The following CHAF1A variants were observed in gnomAD, a reference collection of about 807,000 sequenced individuals.
CHAF1A encodes the protein chromatin assembly factor 1 subunit A, also known as CAF-1 subunit A.
Under a neutral mutation model 93.2 loss-of-function variants are expected in CHAF1A, and 5 were observed. The observed-to-expected ratio is 0.05, with a 90% CI of 0.03 to 0.11. The LOEUF (loss-of-function observed/expected upper bound fraction) is 0.11. Ranked by LOEUF, CHAF1A falls within the 10% of genes least tolerant of loss-of-function variation. The probability of loss-of-function intolerance (pLI) is 1.00; values close to 1 mark genes in which losing one functional copy is unlikely to be tolerated. For synonymous variants in CHAF1A, 504 were observed against 510.3 expected, an observed-to-expected ratio of 0.99 and a Z score of 0.17; for missense variants, 1,102 against 1,259.9, an observed-to-expected ratio of 0.87 and a Z score of 1.90.
At chr19:4,434,451 G>A (rs887372207) in intron 13 of CHAF1A, among the ~76,000 whole-genome samples, 7 of 152,186 alleles carry the variant, frequency 4.6e-5, no homozygotes, top group South Asian at 4.1e-4. Context: ...GATGCTGTGC[G>A]TCTACCTTTA....
rs1973601032 is a variant in CHAF1A, at chr19:4,402,655, C to T, written c.-108C>T. Reference sequence around the variant, plus strand: ...CGGTTCCCGCCAAATACGAGCGCGGCGGCCGCGGCGGCAGCAGCGGCGCGG... The same window carrying T: ...CGGTTCCCGCCAAATACGAGCGCGGTGGCCGCGGCGGCAGCAGCGGCGCGG... On this transcript the variant is annotated 5_prime_UTR_variant, in exon 1 of 15. Coordinates refer to ENST00000301280, the MANE Select transcript of CHAF1A (RefSeq NM_005483.3). The T allele has an allele frequency of 5.8e-6, 4 of 693,494 alleles. No homozygotes were observed. The highest frequency in any genetic ancestry group is 7.0e-5 in the South Asian group (1 of 14,300). 43.0% of individuals were successfully genotyped at this position (693,494 alleles called of 1,614,324 possible).
At chr19:4,450,074 G>A in the CHAF1A span, 2,968 of 151,816 alleles carry the variant, frequency 0.02, 36 homozygotes, top group Middle Eastern at 0.024. Context: ...AAATACAAAA[G>A]TTAGCCCGGG....
Position 4,422,260 on chromosome 19 carries a change from T to G in CHAF1A, c.1018-306T>G, listed in dbSNP as rs1974003396. 6.6e-6 allele frequency among the ~76,000 whole-genome samples: 1 copy of G among 151,924 alleles called. No homozygotes were observed. The highest frequency in any genetic ancestry group is 6.6e-5 in the Admixed American group (1 of 15,246). On this transcript the variant is annotated intron_variant, in intron 4 of 14. Transcript: ENST00000301280. This position sits in a 1 kb window ranked among gnomAD's most constrained non-coding sequence, Gnocchi z 4.6. Reference sequence around the variant, plus strand: ...AACTCCTGACCTCAGGTGATCCACTTGCCTCGGCCTCCCAAAGTGCTGGGA... The same window carrying G: ...AACTCCTGACCTCAGGTGATCCACTGGCCTCGGCCTCCCAAAGTGCTGGGA...
chr19:4,411,642 A>ATTTTTTTTTTTTTTTTTTTTTTTTT (rs1202069647), intron 3 of CHAF1A, among the ~76,000 whole-genome samples: 1 of 38,064 alleles, frequency 2.6e-5, no homozygotes, highest in Non-Finnish European at 6.0e-5. Context: ...AATGGTGCAA[A>ATTTTTTTTTTTTTTTTTTTTTTTTT]TCTTTTTTTT....
downstream of CHAF1A, chr19:4,445,950 CTG>C: frequency 6.7e-7 from 1 of 1,499,532 alleles, no homozygotes; most frequent in Non-Finnish European, 8.9e-7. Flanking sequence ...GCCCCCTGCT[CTG>C]AGAACAAGGA....
chr19:4,449,001 C>T (rs1399281726), downstream of CHAF1A: 1 of 155,508 alleles, frequency 6.4e-6, no homozygotes, highest in African/African-American at 2.4e-5. Context: ...CCCCGAGGTC[C>T]CACCTATCCA....
intron 2 of CHAF1A, among the ~76,000 whole-genome samples, chr19:4,406,920 G>T (rs965473932): frequency 6.6e-5 from 10 of 151,852 alleles, no homozygotes; most frequent in Non-Finnish European, 5.9e-5. Context: ...GGAAGACTCT[G>T]TCTCTTGAAA....
At chr19:4,427,027 G>A (rs1002320709) in intron 7 of CHAF1A, among the ~76,000 whole-genome samples, 2 of 150,338 alleles carry the variant, frequency 1.3e-5, no homozygotes, top group Non-Finnish European at 3.0e-5. Flanking sequence ...GGAGGCAGAG[G>A]TTGCAGTGAG....
chr19:4,448,562 G>A (rs769538645), downstream of CHAF1A: 1 of 695,160 alleles, frequency 1.4e-6, no homozygotes, highest in Non-Finnish European at 2.5e-6. Context: ...AAGGAAAAGA[G>A]AGACCCTCCA....
intron 13 of CHAF1A, among the ~76,000 whole-genome samples, chr19:4,441,468 C>T (rs1398930442): frequency 6.7e-6 from 1 of 149,952 alleles, no homozygotes; most frequent in South Asian, 2.1e-4. Context: ...ATTAGCTGGG[C>T]GTGATGGCAT....
At chr19:4,404,683 G>A (rs1973648095) in intron 1 of CHAF1A, among the ~76,000 whole-genome samples, 1 of 152,138 alleles carries the variant, frequency 6.6e-6, no homozygotes, top group Non-Finnish European at 1.5e-5. Flanking sequence ...TTTATGTAAT[G>A]CTTACAAAAC....
intron 3 of CHAF1A, among the ~76,000 whole-genome samples, chr19:4,411,407 T>C (rs1276433028): frequency 6.6e-6 from 1 of 152,076 alleles, no homozygotes; most frequent in Non-Finnish European, 1.5e-5. Flanking sequence ...TTTTTGTATT[T>C]TTAGTAGAGA....
intron 11 of CHAF1A, 152 bp downstream of exon 11, chr19:4,430,793 A>G (rs1974168201): frequency 2.7e-6 from 2 of 740,372 alleles, no homozygotes; most frequent in Admixed American, 5.1e-5. Flanking sequence ...TCGTGGGAAC[A>G]GCTGGGCCTG....
intron 2 of CHAF1A, among the ~76,000 whole-genome samples, chr19:4,406,304 A>C (rs1211948317): frequency 6.6e-6 from 1 of 152,182 alleles, no homozygotes; most frequent in East Asian, 1.9e-4. Flanking sequence ...TACGTGGCTG[A>C]TGTCCCCTGG....
chr19:4,443,822 G>A (rs1198707637), downstream of CHAF1A, among the ~76,000 whole-genome samples: 2 of 152,194 alleles, frequency 1.3e-5, no homozygotes, highest in Non-Finnish European at 1.5e-5. Context: ...CACTGTCCGA[G>A]GGAGGACAGG....
chr19:4,446,132 C>A (rs754611823), downstream of CHAF1A: 65 of 1,612,348 alleles, frequency 4.0e-5, 1 homozygote, highest in South Asian at 4.6e-4. Flanking sequence ...GGCAGCCAGT[C>A]GCTCTGCAGG....
intron 12 of CHAF1A, 42 bp downstream of exon 12, chr19:4,432,249 C>T (rs1232334482): frequency 7.7e-6 from 12 of 1,548,822 alleles, no homozygotes; most frequent in Non-Finnish European, 1.0e-5. Context: ...GTTCCTGGGC[C>T]CAGCTAATTC....
At chr19:4,413,429 A>G (rs1368340561) in intron 3 of CHAF1A, among the ~76,000 whole-genome samples, 1 of 152,082 alleles carries the variant, frequency 6.6e-6, no homozygotes, top group Non-Finnish European at 1.5e-5. Context: ...CCCCCTTCCC[A>G]CAACCCCTGT....
chr19:4,426,537 T>C (rs1974084696), intron 7 of CHAF1A, among the ~76,000 whole-genome samples: 1 of 151,186 alleles, frequency 6.6e-6, no homozygotes, highest in Admixed American at 6.6e-5. Flanking sequence ...TGCAGTGGCA[T>C]GATCTCAGCT....
Sources: allele counts gnomAD v4.1 joint callset (sites outside exome capture counted in the v4.1 genomes callset), GRCh38; gene constraint gnomAD v4.1.1; non-coding constraint Gnocchi (gnomAD v3.1); transcripts MANE v1.5; gene names NCBI Gene and HGNC (gene_info 2026-07-23, HGNC 2026-07-21).